The following FBXL17 variants were observed in gnomAD, a reference collection of about 807,000 sequenced individuals.
FBXL17 encodes F-box and leucine rich repeat protein 17.
A neutral mutation model predicts 66.2 loss-of-function variants in FBXL17; 22 were observed. The observed-to-expected ratio is 0.33, with a 90% CI of 0.24 to 0.47. The LOEUF is 0.47. FBXL17 is among the 20% of genes least tolerant of loss of function. FBXL17 has a pLI of 1.00. For missense variants in FBXL17, 878 were observed against 948.2 expected, an observed-to-expected ratio of 0.93 and a Z score of 0.97; for synonymous variants, 474 against 400.5, an observed-to-expected ratio of 1.18 and a Z score of -2.19.
chr5:108,160,703 C>T (rs1295948640), intron 6 of FBXL17, among the ~76,000 whole-genome samples: 1 of 152,062 alleles, frequency 6.6e-6, no homozygotes, highest in African/African-American at 2.4e-5. Context: ...GTGAATTCAG[C>T]TATTATTTAA....
At chr5:107,928,557 T>C (rs1277549883) in intron 7 of FBXL17, among the ~76,000 whole-genome samples, 1 of 152,128 alleles carries the variant, frequency 6.6e-6, no homozygotes, top group African/African-American at 2.4e-5. Context: ...GTAATATTAC[T>C]TCTAAGTAAT....
At chr5:107,918,645 T>A (rs1750211586) in intron 7 of FBXL17, among the ~76,000 whole-genome samples, 1 of 152,228 alleles carries the variant, frequency 6.6e-6, no homozygotes, top group Non-Finnish European at 1.5e-5. Context: ...TTTATATATA[T>A]CAATATCAGT....
At chr5:108,165,139 T>C (rs1313836389) in intron 6 of FBXL17, among the ~76,000 whole-genome samples, 2 of 152,210 alleles carry the variant, frequency 1.3e-5, no homozygotes, top group African/African-American at 4.8e-5. Context: ...TCAGAATGTC[T>C]ATTAATAAGA....
At chr5:108,020,794 T>G in intron 7 of FBXL17, 131 bp downstream of exon 7, 1 of 612,178 alleles carries the variant, frequency 1.6e-6, no homozygotes, top group Non-Finnish European at 2.9e-6. Flanking sequence ...TATTTTTTGG[T>G]ATGGTCACAA....
chr5:108,269,984 G>C lies in FBXL17; in HGVS notation c.1507-45756C>G, dbSNP rs534574770. Among the ~76,000 whole-genome samples the C allele has an allele frequency of 5.3e-5, 8 of 151,712 alleles. No individual in the cohort carries two copies. The South Asian group carries it at 1.7e-3, about 31-fold the overall frequency. On this transcript the variant is annotated intron_variant, in intron 4 of 8. Coordinates refer to ENST00000542267, the MANE Select transcript of FBXL17 (RefSeq NM_001163315.3). ...TATCCCCTCAATGGAGATTAGGTAG[G>C]TCCCAGCAGAACCAGAAAACAAAAC...
Position 107,919,054 on chromosome 5 carries a change from T to C in FBXL17, c.1823-37875A>G, listed in dbSNP as rs561037700. On this transcript the variant is annotated intron_variant, in intron 7 of 8. Coordinates refer to ENST00000542267, the MANE Select transcript of FBXL17 (RefSeq NM_001163315.3). ...TATTTTGTTACACCATAGTAAAACT[T>C]TGTTTACTTTACAAAAAATATTACC... is the stretch of plus-strand genomic sequence containing the variant. 5.3e-5 allele frequency among the ~76,000 whole-genome samples: 8 copies of C among 152,228 alleles called. 1 individual carries two copies. The highest frequency in any genetic ancestry group is 1.2e-4 in the Non-Finnish European group (8 of 68,046).
intron 6 of FBXL17, among the ~76,000 whole-genome samples, chr5:108,105,853 A>G (rs1473080506): frequency 2.0e-5 from 3 of 152,348 alleles, no homozygotes; most frequent in East Asian, 1.9e-4. Context: ...AAATTATTTA[A>G]TATCTCTCCT....
At chr5:108,371,067 T>C (rs1365010060) in intron 1 of FBXL17, among the ~76,000 whole-genome samples, 4 of 152,092 alleles carry the variant, frequency 2.6e-5, no homozygotes. Context: ...GAAAAAGCTA[T>C]CTTTCTGGAC....
intron 6 of FBXL17, among the ~76,000 whole-genome samples, chr5:108,055,569 A>T (rs1747670864): frequency 7.1e-6 from 1 of 140,208 alleles, no homozygotes; most frequent in Non-Finnish European, 1.5e-5. Flanking sequence ...AGATTGTGCC[A>T]CTGCTCTATA....
chr5:108,175,855 C>T (rs758117043), intron 6 of FBXL17, among the ~76,000 whole-genome samples: 3 of 152,112 alleles, frequency 2.0e-5, no homozygotes, highest in Non-Finnish European at 4.4e-5. Context: ...AAGCAAAATC[C>T]CTTGCACTAA....
intron 4 of FBXL17, among the ~76,000 whole-genome samples, chr5:108,296,624 C>T (rs534653922): frequency 2.0e-5 from 3 of 151,666 alleles, no homozygotes; most frequent in Non-Finnish European, 4.4e-5. Flanking sequence ...GAGAGAAGTA[C>T]CAGTTGCCTT....
chr5:107,908,158 A>C (rs10043226), intron 7 of FBXL17, among the ~76,000 whole-genome samples: 16,630 of 152,236 alleles, frequency 0.11, 1,046 homozygotes, highest in South Asian at 0.21. Context: ...ACATGGATGA[A>C]ATTGGAAATC....
At chr5:108,327,444 T>C (rs2150230638) in intron 4 of FBXL17, among the ~76,000 whole-genome samples, 1 of 152,308 alleles carries the variant, frequency 6.6e-6, no homozygotes, top group East Asian at 1.9e-4. Context: ...AGTTCATATT[T>C]AATGATTTCA....
chr5:107,900,586 C>T (rs983903761), intron 7 of FBXL17, among the ~76,000 whole-genome samples: 4 of 140,870 alleles, frequency 2.8e-5, no homozygotes, highest in African/African-American at 1.1e-4. Flanking sequence ...AGTTCTCTCT[C>T]TACTGATTAC....
At chr5:108,093,703 G>A (rs968206040) in intron 6 of FBXL17, among the ~76,000 whole-genome samples, 2 of 152,154 alleles carry the variant, frequency 1.3e-5, no homozygotes, top group African/African-American at 4.8e-5. Flanking sequence ...TATCGGCAAA[G>A]ATTATACGCA....
intron 7 of FBXL17, among the ~76,000 whole-genome samples, chr5:107,934,771 T>G (rs530443284): frequency 6.6e-6 from 1 of 152,156 alleles, no homozygotes; most frequent in Non-Finnish European, 1.5e-5. Flanking sequence ...AGCTGGAATC[T>G]CTCACTATGT....
intron 4 of FBXL17, among the ~76,000 whole-genome samples, chr5:108,283,914 T>C (rs1395380938): frequency 6.6e-6 from 1 of 151,880 alleles, no homozygotes; most frequent in Non-Finnish European, 1.5e-5. Context: ...GAAATAAAAA[T>C]GGCCAACAGG....
At chr5:108,037,323 A>G (rs938971945) in intron 6 of FBXL17, among the ~76,000 whole-genome samples, 1 of 152,218 alleles carries the variant, frequency 6.6e-6, no homozygotes. Context: ...AGGTAAATTT[A>G]CTTTCCATGA....
chr5:107,880,673 T>C, intron 8 of FBXL17: 2 of 1,218,690 alleles, frequency 1.6e-6, no homozygotes, highest in Middle Eastern at 3.3e-4. Context: ...TGCTGGAAAC[T>C]TGAAACCCAG....
Sources: gnomAD v4.1 joint callset for allele counts (sites outside exome capture counted in the v4.1 genomes callset) on GRCh38, gnomAD v4.1.1 for gene constraint, MANE v1.5 for transcripts, NCBI Gene and HGNC (gene_info 2026-07-23, HGNC 2026-07-21) for gene names.